Variants in USP3 observed in about 807,000 individuals in gnomAD.
USP3 encodes the protein ubiquitin specific peptidase 3, also known as ubiquitin carboxyl-terminal hydrolase 3.
Under a neutral mutation model 72.3 loss-of-function variants are expected in USP3, and 20 were observed. The ratio of observed to expected loss-of-function variants is 0.28; its 90% CI spans 0.19 to 0.40. USP3 has a LOEUF of 0.40. USP3 is among the 10% of genes least tolerant of loss of function. USP3 has a pLI of 1.00. For synonymous variants in USP3, 222 were observed against 225.3 expected (o/e 0.99, Z 0.13); for missense variants, 479 against 633.9 (o/e 0.76, Z 2.62).
chr15:63,589,111 G>A (rs1049873385), intron 14 of USP3, 100 bp downstream of exon 14: 46 of 1,379,334 alleles, frequency 3.3e-5, no homozygotes, highest in Non-Finnish European at 4.1e-5. Flanking sequence ...CTAAAAAATG[G>A]ATTCAGATAA....
chr15:63,550,100 A>G (rs1595738759), intron 3 of USP3, among the ~76,000 whole-genome samples: 2 of 152,078 alleles, frequency 1.3e-5, no homozygotes, highest in African/African-American at 4.8e-5. Context: ...GCTCACTGCA[A>G]CCTCCGCCTC....
rs775338306 is a variant in USP3, at chr15:63,574,368, A to C, written c.1061A>C (p.Lys354Thr). The change falls in exon 11 of 15, where the codon AAG (lysine) becomes ACG (threonine). Residue 354 changes from lysine to threonine, a missense_variant. Transcript: ENST00000380324. The surrounding 1 kb of genome is among the most constrained non-coding windows in gnomAD (Gnocchi z 4.6). ...AGTCAGTTCAGAAGTAAGCGCTCTA[A>C]GAATCAAGAAAATGGACCAGTTTGT... ...IPSQFRSKRS[K>T]NQENGPVCSL... is the part of the protein sequence containing the mutation. The C allele has an allele frequency of 3.7e-6, 6 of 1,606,628 alleles. No individual in the cohort carries two copies. Among genetic ancestry groups the C allele is most frequent in the African/African-American group, 2.7e-5 (2 of 74,564 alleles).
At chr15:63,576,050 G>A (rs570264663) in intron 11 of USP3, among the ~76,000 whole-genome samples, 5 of 148,300 alleles carry the variant, frequency 3.4e-5, no homozygotes, top group Admixed American at 1.4e-4. Flanking sequence ...GCAGTGGCGC[G>A]ATCTTGGCTC....
intron 3 of USP3, chr15:63,551,971 C>T (rs887451026): frequency 1.3e-5 from 2 of 152,056 alleles, no homozygotes; most frequent in African/African-American, 4.8e-5. Flanking sequence ...GAAAGGATTA[C>T]CTTAATAAGA....
chr15:63,576,757 C>A (rs1325891885), intron 11 of USP3, among the ~76,000 whole-genome samples: 2 of 152,194 alleles, frequency 1.3e-5, no homozygotes, highest in Non-Finnish European at 2.9e-5. Flanking sequence ...AATCCTCAGG[C>A]TTGATTTTTA....
At chr15:63,565,278 A>G (rs894162287) in intron 8 of USP3, among the ~76,000 whole-genome samples, 3 of 152,212 alleles carry the variant, frequency 2.0e-5, no homozygotes, top group Non-Finnish European at 4.4e-5. Context: ...TAGAGAAATC[A>G]TTAAGCCTAT....
intron 8 of USP3, among the ~76,000 whole-genome samples, chr15:63,564,448 C>G (rs950256633): frequency 2.0e-5 from 3 of 152,196 alleles, no homozygotes; most frequent in Non-Finnish European, 2.9e-5. Flanking sequence ...GGCCCGTTAA[C>G]TAATTTGATA....
At chr15:63,590,489 C>T (rs1157288121) in intron 14 of USP3, among the ~76,000 whole-genome samples, 172 bp from the exon 15 acceptor site, 1 of 152,164 alleles carries the variant, frequency 6.6e-6, no homozygotes, top group Non-Finnish European at 1.5e-5. Flanking sequence ...TTCTAGCAAA[C>T]CCTCGATTTC....
intron 1 of USP3, among the ~76,000 whole-genome samples, chr15:63,516,654 G>T (rs1316082813): frequency 6.6e-6 from 1 of 152,090 alleles, no homozygotes; most frequent in Non-Finnish European, 1.5e-5. Context: ...CAGAGTTGCT[G>T]TTGAGAAACC....
chr15:63,536,736 C>G (rs1277261899), intron 2 of USP3, among the ~76,000 whole-genome samples: 5 of 151,652 alleles, frequency 3.3e-5, no homozygotes, highest in African/African-American at 1.2e-4. Context: ...CGCCTGTAGT[C>G]CCAGCTACTC....
chr15:63,526,607 T>C (rs1349135959), intron 1 of USP3, among the ~76,000 whole-genome samples: 3 of 152,122 alleles, frequency 2.0e-5, no homozygotes, highest in Non-Finnish European at 4.4e-5. Flanking sequence ...TTCACTGTTG[T>C]AGCAGCATGT....
At chr15:63,558,292 C>A in intron 6 of USP3, 104 bp downstream of exon 6, 1 of 1,253,336 alleles carries the variant, frequency 8.0e-7, no homozygotes, top group Non-Finnish European at 1.1e-6. Flanking sequence ...TGGTTTGGAG[C>A]AAGATACCTT....
chr15:63,563,517 G>A (rs2066640957), intron 8 of USP3, among the ~76,000 whole-genome samples: 1 of 152,162 alleles, frequency 6.6e-6, no homozygotes, highest in African/African-American at 2.4e-5. Context: ...GAGCTGCTGT[G>A]GTGCCCATGC....
intron 3 of USP3, among the ~76,000 whole-genome samples, chr15:63,547,381 TAAAAACCTAAAAA>T (rs2066344950): frequency 6.6e-6 from 1 of 151,962 alleles, no homozygotes; most frequent in Non-Finnish European, 1.5e-5. Flanking sequence ...GAGATAGTTG[TAAAAACCTAAAAA>T]AAAAATTTTT....
chr15:63,578,331 G>A (rs1360067134), intron 11 of USP3, among the ~76,000 whole-genome samples: 1 of 151,834 alleles, frequency 6.6e-6, no homozygotes, highest in Non-Finnish European at 1.5e-5. Context: ...TTGGCCAGGC[G>A]TGGTGGCTGA....
At chr15:63,567,119 A>G (rs74552115) in intron 8 of USP3, among the ~76,000 whole-genome samples, 3,909 of 152,246 alleles carry the variant, frequency 0.026, 147 homozygotes, top group African/African-American at 0.088. Flanking sequence ...TTATGTGCCT[A>G]TATTCTGGGA....
At chr15:63,558,412 A>G (rs1461200872) in intron 6 of USP3, among the ~76,000 whole-genome samples, 4 of 152,176 alleles carry the variant, frequency 2.6e-5, no homozygotes, top group Non-Finnish European at 4.4e-5. Flanking sequence ...TACTTAGAGC[A>G]GTGTCCTGCA....
rs968146910 is a variant in USP3, at chr15:63,544,424, G to C, written c.284+7268G>C. 3 of 410,632 alleles carry C rather than the reference G, an allele frequency of 7.3e-6. No individual in the cohort carries two copies. In the East Asian group the frequency reaches 1.3e-4, roughly 17 times the overall value. The allele number at this position is 410,632 out of a possible 1,614,324, so 25.4% of individuals were successfully genotyped here. A position where few individuals can be genotyped will look rare whatever the true frequency, so the allele number is the denominator to read the frequency against. On this transcript the variant is annotated intron_variant, in intron 3 of 14. Coordinates refer to ENST00000380324, the MANE Select transcript of USP3 (RefSeq NM_006537.4). This position sits in a 1 kb window ranked among gnomAD's most constrained non-coding sequence, Gnocchi z 4.2. ...TTTATTAACCAAAACTAGTGAAAGG[G>C]GAAGTAGCTGGATTTCAATCCAAAG...
chr15:63,538,549 C>G (rs374345739), intron 3 of USP3, among the ~76,000 whole-genome samples: 1 of 137,184 alleles, frequency 7.3e-6, no homozygotes, highest in Non-Finnish European at 1.6e-5. Flanking sequence ...AGGTCTTTTA[C>G]TTTTTTTTTT....
Sources: allele counts gnomAD v4.1 joint callset (sites outside exome capture counted in the v4.1 genomes callset), GRCh38; gene constraint gnomAD v4.1.1; non-coding constraint Gnocchi (gnomAD v3.1); transcripts MANE v1.5; gene names NCBI Gene and HGNC (gene_info 2026-07-23, HGNC 2026-07-21).